The following ANKMY1 variants were observed in gnomAD, a reference collection of about 807,000 sequenced individuals.
ANKMY1 encodes the protein ankyrin repeat and MYND domain-containing protein 1.
In ANKMY1, 98 loss-of-function variants were observed where a neutral mutation model predicts 102.0. The observed-to-expected ratio is 0.96, with a 90% confidence interval of 0.82 to 1.14. The LOEUF is 1.14. Ranked by LOEUF, ANKMY1 falls within the 50% of genes most tolerant of loss-of-function variation. The pLI is 0.00. For missense variants in ANKMY1, 1,330 were observed against 1,347.6 expected, an observed-to-expected ratio of 0.99 and a Z score of 0.20; for synonymous variants, 582 against 559.9, an observed-to-expected ratio of 1.04 and a Z score of -0.56.
At chr2:240,497,101 C>T (rs1335291268) in intron 15 of ANKMY1, among the ~76,000 whole-genome samples, 1 of 151,972 alleles carries the variant, frequency 6.6e-6, no homozygotes, top group Non-Finnish European at 1.5e-5. Context: ...AATGGAGCCG[C>T]CACCTCCTCG....
intron 11 of ANKMY1, among the ~76,000 whole-genome samples, chr2:240,510,473 GTGTTCACT>G (rs1471117307): frequency 6.6e-6 from 1 of 152,024 alleles, no homozygotes; most frequent in Non-Finnish European, 1.5e-5. Context: ...TCTCCCAGAA[GTGTTCACT>G]AGGACCTGAC....
rs759957862 is a variant in ANKMY1 at position 240,481,418 on chromosome 2, C to T, written c.2886-321G>A. On this transcript the variant is annotated intron_variant, in intron 16 of 17. Transcript: ENST00000401804. ...CCGTGGGGCCACACACACGATGGTG[C>T]GGAACTCCTAGGCACATAGGGAAAT... 3.1e-4 allele frequency among the ~76,000 whole-genome samples: 47 copies of T among 152,296 alleles called. 1 individual carries two copies. The highest frequency in any genetic ancestry group is 7.7e-4 in the East Asian group (4 of 5,168).
intron 15 of ANKMY1, among the ~76,000 whole-genome samples, chr2:240,485,156 G>A (rs1226805645): frequency 3.3e-5 from 5 of 151,928 alleles, no homozygotes; most frequent in Non-Finnish European, 7.4e-5. Context: ...GTGAAACCCC[G>A]TCTCTACTAA....
intron 13 of ANKMY1, among the ~76,000 whole-genome samples, chr2:240,504,352 C>T (rs945385797): frequency 2.0e-5 from 3 of 152,146 alleles, no homozygotes; most frequent in African/African-American, 7.2e-5. Flanking sequence ...GAAAAGTATT[C>T]GTGAAAGGTC....
chr2:240,468,871 G>A, the ANKMY1 span, among the ~76,000 whole-genome samples: 12 of 152,266 alleles, frequency 7.9e-5, 1 homozygote, highest in South Asian at 2.3e-3. Context: ...CCAGCTCCGG[G>A]CAGGACGAAG....
intron 4 of ANKMY1, among the ~76,000 whole-genome samples, chr2:240,533,029 T>G (rs2085814556): frequency 6.6e-6 from 1 of 152,200 alleles, no homozygotes; most frequent in Non-Finnish European, 1.5e-5. Flanking sequence ...TTTTAATGGA[T>G]CCCAGTAGCA....
intron 4 of ANKMY1, among the ~76,000 whole-genome samples, chr2:240,545,816 A>T (rs2090237664): frequency 6.6e-6 from 1 of 152,226 alleles, no homozygotes; most frequent in Non-Finnish European, 1.5e-5. Flanking sequence ...GAGAAAAAAG[A>T]ATAAAAAGAA....
At chr2:240,523,530 C>G (rs1040820152) in intron 8 of ANKMY1, 5 of 321,974 alleles carry the variant, frequency 1.6e-5, no homozygotes, top group Middle Eastern at 9.5e-4. Flanking sequence ...AGGTGTCACT[C>G]ACGTGCACTA....
At chr2:240,503,142 G>T (rs1437552389) in intron 13 of ANKMY1, among the ~76,000 whole-genome samples, 1 of 152,220 alleles carries the variant, frequency 6.6e-6, no homozygotes, top group East Asian at 1.9e-4. Context: ...TCCGGTAAGA[G>T]GAAGGGGCGG....
At chr2:240,560,566 C>T, upstream of ANKMY1, 2 of 1,307,712 alleles carry the variant, frequency 1.5e-6, no homozygotes, top group Non-Finnish European at 1.9e-6. Flanking sequence ...CCTCGGAGGC[C>T]TCTAGGACCC....
chr2:240,543,686 A>G (rs1298436905), intron 4 of ANKMY1, among the ~76,000 whole-genome samples: 2 of 152,156 alleles, frequency 1.3e-5, no homozygotes, highest in Non-Finnish European at 2.9e-5. Context: ...AAGGAAATAA[A>G]TGATACATAA....
At chr2:240,558,400 G>C (rs1017487122), upstream of ANKMY1, 1 of 152,264 alleles carries the variant, frequency 6.6e-6, no homozygotes, top group African/African-American at 2.4e-5. Flanking sequence ...GTAACTCGAG[G>C]CCTGCGGAGG....
At chr2:240,476,018 A>G (rs575881664), downstream of ANKMY1, among the ~76,000 whole-genome samples, 630 of 152,312 alleles carry the variant, frequency 4.1e-3, 2 homozygotes, top group African/African-American at 0.013. Flanking sequence ...ATTTGTGTGG[A>G]ATCACAAAAT....
chr2:240,529,275 G>T lies in ANKMY1; in HGVS notation c.715C>A (p.Pro239Thr), dbSNP rs2084690267. Residue 239 changes from proline to threonine, a missense_variant, in exon 5 of 18, where the codon CCC becomes ACC. By Grantham distance (38) the Pro-to-Thr change is conservative (BLOSUM62 -1). Coordinates refer to ENST00000401804, the MANE Select transcript of ANKMY1 (RefSeq NM_001282771.3). This position sits in a 1 kb window ranked among gnomAD's most constrained non-coding sequence, Gnocchi z 4.2. The stretch of plus-strand genomic sequence containing the variant: ...AACCGCTTATAGTCATAGAAAAAGG[G>T]ATCCTGTCCCTCCTGCAGTCCCCAC... The part of the protein sequence containing the change: ...TEWGLQEGQD[P>T]FFYDYKRFLL... The T allele has an allele frequency of 6.2e-7, 1 of 1,614,078 alleles. No homozygotes were observed. The highest frequency in any genetic ancestry group is 8.5e-7 in the Non-Finnish European group (1 of 1,180,050).
At chr2:240,536,297 G>GA (rs2086718895) in intron 4 of ANKMY1, among the ~76,000 whole-genome samples, 1 of 151,734 alleles carries the variant, frequency 6.6e-6, no homozygotes, top group Non-Finnish European at 1.5e-5. Flanking sequence ...TTTTCTTTTG[G>GA]AAAAAATCGA....
intron 6 of ANKMY1, 171 bp downstream of exon 6, chr2:240,526,058 C>A: frequency 1.0e-6 from 1 of 975,128 alleles, no homozygotes. Flanking sequence ...CCACGAGTGT[C>A]ACACTCAGCT....
intron 4 of ANKMY1, among the ~76,000 whole-genome samples, chr2:240,542,380 C>T (rs1464487582): frequency 6.6e-6 from 1 of 152,078 alleles, no homozygotes; most frequent in Non-Finnish European, 1.5e-5. Context: ...TGGCAGGCGC[C>T]TGTAATCCCA....
chr2:240,557,632 C>G (rs2092523842), intron 1 of ANKMY1, among the ~76,000 whole-genome samples: 1 of 152,182 alleles, frequency 6.6e-6, no homozygotes, highest in South Asian at 2.1e-4. Context: ...GCCACGTGGC[C>G]AGGCCAGGCC....
chr2:240,560,715 G>A (rs993513632), upstream of ANKMY1: 6 of 1,526,384 alleles, frequency 3.9e-6, no homozygotes, highest in Non-Finnish European at 4.4e-6. Context: ...GCGCCGCGGG[G>A]CCGCCTCGCC....
Sources: allele counts gnomAD v4.1 joint callset (sites outside exome capture counted in the v4.1 genomes callset), GRCh38; gene constraint gnomAD v4.1.1; non-coding constraint Gnocchi (gnomAD v3.1); transcripts MANE v1.5; gene names NCBI Gene and HGNC (gene_info 2026-07-23, HGNC 2026-07-21).